The following FARSB variants were observed in gnomAD, a reference collection of about 807,000 sequenced individuals.
FARSB encodes the protein phenylalanyl-tRNA synthetase subunit beta, also known as phenylalanine--tRNA ligase beta subunit.
In FARSB, 40 loss-of-function variants were observed where a neutral mutation model predicts 69.6. That is an observed-to-expected ratio of 0.57 (90% CI 0.45 to 0.75). FARSB has a LOEUF of 0.75. FARSB is among the 30% of genes least tolerant of loss of function. The pLI, the probability that FARSB is intolerant of heterozygous loss-of-function variation, is 0.00. For missense variants in FARSB, 632 were observed against 722.9 expected (o/e 0.87, Z 1.44); for synonymous variants, 235 against 247.2 (o/e 0.95, Z 0.46).
chr2:222,643,262 T>C (rs1691767383), intron 2 of FARSB, among the ~76,000 whole-genome samples: 1 of 152,220 alleles, frequency 6.6e-6, no homozygotes. Flanking sequence ...CAAATCCATC[T>C]AAACAAGGGT....
rs1689657081 is a variant in FARSB, at chr2:222,567,827, G to T, written c.*4044C>A. 1 of 152,170 alleles carries T rather than the reference G, an allele frequency of 6.6e-6. No homozygotes were observed. The highest frequency in any genetic ancestry group is 1.5e-5 in the Non-Finnish European group (1 of 68,034). 9.4% of individuals were successfully genotyped at this position (152,170 alleles called of 1,614,324 possible). A position where few individuals can be genotyped will look rare whatever the true frequency, so the allele number is the denominator to read the frequency against. On this transcript the variant is annotated 3_prime_UTR_variant, in exon 17 of 17. Coordinates refer to ENST00000281828, the MANE Select transcript of FARSB (RefSeq NM_005687.5). ...TGGGGTCCTAAGCCAGTGCTATTTA[G>T]CAGGATAGGGGGTTCATTGGAGCAG...
At chr2:222,628,401 T>A (rs1045867247) in intron 10 of FARSB, among the ~76,000 whole-genome samples, 1 of 152,192 alleles carries the variant, frequency 6.6e-6, no homozygotes, top group Admixed American at 6.5e-5. Flanking sequence ...TATAGAAACA[T>A]CACACTGTAC....
At chr2:222,610,600 C>A (rs541584320) in intron 15 of FARSB, among the ~76,000 whole-genome samples, 1 of 152,198 alleles carries the variant, frequency 6.6e-6, no homozygotes, top group Non-Finnish European at 1.5e-5. Flanking sequence ...AGCAAGGTGA[C>A]ATTAGCCCTT....
chr2:222,635,486 A>T (rs555665222), intron 5 of FARSB, among the ~76,000 whole-genome samples: 42 of 152,384 alleles, frequency 2.8e-4, no homozygotes, highest in Admixed American at 5.2e-4. Flanking sequence ...ACTTTACTCA[A>T]TTAGTCATAT....
At chr2:222,596,284 A>G (rs937269582) in intron 16 of FARSB, among the ~76,000 whole-genome samples, 2 of 152,196 alleles carry the variant, frequency 1.3e-5, no homozygotes, top group African/African-American at 4.8e-5. Context: ...GGTTAATGCG[A>G]AGATCAATCA....
At chr2:222,648,509 G>A (rs1457785061) in intron 2 of FARSB, among the ~76,000 whole-genome samples, 2 of 152,186 alleles carry the variant, frequency 1.3e-5, no homozygotes, top group Non-Finnish European at 2.9e-5. Flanking sequence ...TCCACAGCAT[G>A]AGCCTGGTAA....
At chr2:222,647,719 C>T (rs765997353) in intron 2 of FARSB, among the ~76,000 whole-genome samples, 34 of 152,182 alleles carry the variant, frequency 2.2e-4, no homozygotes, top group African/African-American at 2.7e-4. Context: ...GAGCCAAGAT[C>T]GCGCTGTCGC....
intron 15 of FARSB, among the ~76,000 whole-genome samples, chr2:222,603,853 T>G (rs1690632644): frequency 6.6e-6 from 1 of 151,670 alleles, no homozygotes; most frequent in South Asian, 2.1e-4. Flanking sequence ...CCAAAAACAT[T>G]TAAATGAAAA....
rs772165981 is a variant in FARSB, at chr2:222,639,632, G to T, written c.403C>A (p.Arg135=). ...TGAAGTTCAATGAAGCTGTCATATC[G>T]ATCTTTAGTAAACTTTATATTACGG... ...VLRNIKFTKD[R]YDSFIELQEK... Residue 135 remains arginine, a synonymous_variant, in exon 5 of 17, where the codon CGA becomes AGA. Transcript: ENST00000281828. 2 of 1,596,732 alleles carry T rather than the reference G, an allele frequency of 1.3e-6. No individual in the cohort carries two copies. Among genetic ancestry groups the T allele is most frequent in the Admixed American group, 3.4e-5 (2 of 58,544 alleles).
intron 8 of FARSB, 142 bp downstream of exon 8, chr2:222,631,462 T>C (rs904240257): frequency 1.7e-5 from 11 of 649,210 alleles, no homozygotes; most frequent in Non-Finnish European, 3.1e-5. Context: ...AGAATATCTC[T>C]ATCTTTTTAA....
chr2:222,596,794 T>C (rs1196990097), intron 16 of FARSB, among the ~76,000 whole-genome samples: 1 of 152,172 alleles, frequency 6.6e-6, no homozygotes, highest in East Asian at 1.9e-4. Context: ...TGTATGTGTG[T>C]ACGTGTGTGT....
At chr2:222,637,533 A>T (rs1241624873) in intron 5 of FARSB, among the ~76,000 whole-genome samples, 1 of 152,234 alleles carries the variant, frequency 6.6e-6, no homozygotes, top group Non-Finnish European at 1.5e-5. Context: ...ACAGTGCTCC[A>T]TGCTCACACA....
chr2:222,624,594 A>T (rs1574939752), intron 11 of FARSB, 115 bp from the exon 12 acceptor site: 1 of 937,594 alleles, frequency 1.1e-6, no homozygotes, highest in East Asian at 2.5e-5. Context: ...GAGTTCTATC[A>T]GAAACCAGAT....
At chr2:222,640,010 A>C (rs1266948405) in intron 4 of FARSB, among the ~76,000 whole-genome samples, 5 of 152,250 alleles carry the variant, frequency 3.3e-5, no homozygotes, top group Non-Finnish European at 5.9e-5. Context: ...ATGTTCCACA[A>C]TTTAAACAAT....
At chr2:222,606,587 C>T (rs1690709357) in intron 15 of FARSB, among the ~76,000 whole-genome samples, 1 of 152,154 alleles carries the variant, frequency 6.6e-6, no homozygotes, top group African/African-American at 2.4e-5. Flanking sequence ...CTGATCTAAG[C>T]TGCGCAAAGG....
In FARSB at chr2:222,588,223, C is replaced by T. The variant is rs1242731087; in HGVS notation, c.1618+11705G>A. ...GGTTCAACATATGCAAATCAATAAA[C>T]GTAATCCAGCATATAAACAGAACCA... On this transcript the variant is annotated intron_variant, in intron 16 of 16. Coordinates refer to ENST00000281828, the MANE Select transcript of FARSB (RefSeq NM_005687.5). Among the ~76,000 whole-genome samples, 5 of 152,204 alleles carry T rather than the reference C, an allele frequency of 3.3e-5. No individual in the cohort carries two copies. In the South Asian group the frequency reaches 6.2e-4, roughly 19 times the overall value.
intron 16 of FARSB, among the ~76,000 whole-genome samples, chr2:222,579,835 A>C (rs962685724): frequency 1.2e-4 from 19 of 152,218 alleles, no homozygotes; most frequent in Non-Finnish European, 2.2e-4. Context: ...ATCTACTCCA[A>C]GTTTACTCTG....
At chr2:222,632,655 A>G (rs1229465421) in intron 7 of FARSB, among the ~76,000 whole-genome samples, 2 of 152,208 alleles carry the variant, frequency 1.3e-5, no homozygotes, top group African/African-American at 2.4e-5. Flanking sequence ...GTTTAACTAT[A>G]TAACTAGGCA....
intron 14 of FARSB, among the ~76,000 whole-genome samples, chr2:222,615,096 TA>T (rs1313204316): frequency 6.6e-6 from 1 of 151,962 alleles, no homozygotes; most frequent in East Asian, 1.9e-4. Flanking sequence ...CCTGGTACAT[TA>T]AAAAAAAGCA....
Sources: gnomAD v4.1 joint callset for allele counts (sites outside exome capture counted in the v4.1 genomes callset) on GRCh38, gnomAD v4.1.1 for gene constraint, MANE v1.5 for transcripts, NCBI Gene and HGNC (gene_info 2026-07-23, HGNC 2026-07-21) for gene names.